The following CPSF7 variants were observed in gnomAD, a reference collection of about 807,000 sequenced individuals.
CPSF7 encodes cleavage and polyadenylation specificity factor subunit 7.
Under a neutral mutation model 44.3 loss-of-function variants are expected in CPSF7, and 1 was observed. The observed-to-expected ratio is 0.02, with a 90% CI of 0.01 to 0.11. CPSF7 has a LOEUF of 0.11. Among genes scored for constraint, CPSF7 ranks in the 10% least tolerant of loss-of-function variants. The probability of loss-of-function intolerance (pLI) is 1.00; values close to 1 mark genes in which losing one functional copy is unlikely to be tolerated. For missense variants in CPSF7, 443 were observed against 607.2 expected (o/e 0.73, Z 2.84); for synonymous variants, 202 against 222.0 (o/e 0.91, Z 0.80).
intron 5 of CPSF7, among the ~76,000 whole-genome samples, chr11:61,419,185 G>A (rs184166738): frequency 6.6e-6 from 1 of 152,052 alleles, no homozygotes; most frequent in East Asian, 1.9e-4. Flanking sequence ...ACCCACACCC[G>A]GCTAATTTTT....
chr11:61,420,423 T>A (rs747506149), intron 4 of CPSF7, 47 bp downstream of exon 4: 13 of 1,486,650 alleles, frequency 8.7e-6, no homozygotes, highest in Middle Eastern at 1.7e-4. Flanking sequence ...AGATCTTTTA[T>A]CCCAATGGTT....
chr11:61,414,148 ATTT>A (rs11420964), intron 7 of CPSF7, among the ~76,000 whole-genome samples: 1 of 132,634 alleles, frequency 7.5e-6, no homozygotes, highest in Non-Finnish European at 1.6e-5. Flanking sequence ...AAAAAGACTA[ATTT>A]TTTTTTTTTT....
intron 6 of CPSF7, 159 bp from the exon 7 acceptor site, chr11:61,415,943 G>T (rs1860290297): frequency 4.9e-6 from 4 of 824,400 alleles, no homozygotes; most frequent in East Asian, 5.0e-5. Flanking sequence ...CTTAAAAAGG[G>T]GTATAAAGGA....
chr11:61,410,975 G>A lies in CPSF7; in HGVS notation c.1357C>T (p.His453Tyr), dbSNP rs776497766. ...FQERNREHER[H>Y]RDRERDRHH ...TGCCGGTCCCGTTCTCTATCCCGGTGTCTCTCATGCTCCCGGTTCCTTTCT... is the reference window on the plus strand; with the variant it reads ...TGCCGGTCCCGTTCTCTATCCCGGTATCTCTCATGCTCCCGGTTCCTTTCT... Residue 453 changes from histidine to tyrosine, a missense_variant, in exon 9 of 10, where the codon CAC (histidine) becomes TAC (tyrosine). Transcript: ENST00000439958. The A allele has an allele frequency of 1.9e-6, 3 of 1,613,216 alleles. No individual in the cohort carries two copies. Among genetic ancestry groups the A allele is most frequent in the Middle Eastern group, 1.6e-4 (1 of 6,062 alleles).
intron 2 of CPSF7, among the ~76,000 whole-genome samples, chr11:61,423,927 A>G (rs1438669594): frequency 6.6e-6 from 1 of 152,248 alleles, no homozygotes. Flanking sequence ...CTGATAGAGA[A>G]GGGGGAAGGA....
At chr11:61,420,373 G>A (rs1457268284) in intron 4 of CPSF7, 97 bp downstream of exon 4, 4 of 1,104,010 alleles carry the variant, frequency 3.6e-6, no homozygotes, top group Non-Finnish European at 1.3e-6. Context: ...AGCTGGGCCA[G>A]GGGTGGGAGT....
chr11:61,410,405 T>C (rs1265838721), intron 9 of CPSF7, among the ~76,000 whole-genome samples: 1 of 152,276 alleles, frequency 6.6e-6, no homozygotes, highest in Non-Finnish European at 1.5e-5. Context: ...ATCATTAATG[T>C]TGCAGCTTGA....
chr11:61,429,509 C>G (rs998295955), intron 1 of CPSF7: 1 of 540,438 alleles, frequency 1.9e-6, no homozygotes, highest in South Asian at 2.7e-5. Flanking sequence ...CCGGGTAGCG[C>G]CGCGTCTGCG....
intron 2 of CPSF7, chr11:61,426,683 C>G (rs760944756): frequency 2.6e-5 from 4 of 152,158 alleles, no homozygotes; most frequent in Non-Finnish European, 5.9e-5. Flanking sequence ...AAATGAATGG[C>G]ACTATTATCA....
rs760384211 is a variant in CPSF7 at position 61,416,507 on chromosome 11, C to T, written c.536G>A (p.Arg179Gln). 1.1e-5 allele frequency: 18 copies of T among 1,613,854 alleles called. No individual in the cohort carries two copies. In the Admixed American group the frequency reaches 2.0e-4, roughly 18 times the overall value. Reference sequence around the variant, plus strand: ...ATCACTAGAATCTCGGGAATGGGCCCGTGGAGGTATTCCTATGAAGCAAAA... The same window carrying T: ...ATCACTAGAATCTCGGGAATGGGCCTGTGGAGGTATTCCTATGAAGCAAAA... ...EAQARKRIPP[R>Q]AHSRDSSDSA... Residue 179 changes from arginine (R) to glutamine (Q), a missense_variant, in exon 6 of 10, where the codon CGG becomes CAG. Physicochemically the swap from Arg to Gln is conservative, Grantham distance 43. Coordinates refer to ENST00000439958, the MANE Select transcript of CPSF7 (RefSeq NM_001142565.3).
At position 61,421,438 on chromosome 11, in the gene CPSF7, A is replaced by G. The variant is rs779335011; in HGVS notation, c.225T>C (p.Ser75=). 1.9e-6 allele frequency: 3 copies of G among 1,613,996 alleles called. No homozygotes were observed. The highest frequency in any genetic ancestry group is 2.5e-6 in the Non-Finnish European group (3 of 1,180,018). Reference sequence around the variant, plus strand: ...CGGCAGCTCGTCTATTACGCAGGCCACTGTAGGTATACAGAATTGCAGGGG... The same window carrying G: ...CGGCAGCTCGTCTATTACGCAGGCCGCTGTAGGTATACAGAATTGCAGGGG... ...NKTPAILYTY[S]GLRNRRAAVY... The change falls in exon 3 of 10, where the codon AGT becomes AGC. Residue 75 remains serine, a synonymous_variant. Transcript: ENST00000439958.
chr11:61,418,386 C>A (rs898242932), intron 5 of CPSF7, among the ~76,000 whole-genome samples: 12 of 152,160 alleles, frequency 7.9e-5, no homozygotes, highest in African/African-American at 2.4e-4. Context: ...CAGGAAAATC[C>A]AAGGTCTAGT....
chr11:61,421,995 T>C (rs1233255487), intron 2 of CPSF7, among the ~76,000 whole-genome samples: 1 of 152,248 alleles, frequency 6.6e-6, no homozygotes, highest in Non-Finnish European at 1.5e-5. Flanking sequence ...CAGTATCTTA[T>C]GCTATTTCCA....
Position 61,415,748 on chromosome 11 carries a change from T to C in CPSF7, c.975A>G (p.Glu325=), listed in dbSNP as rs559063740. The C allele has an allele frequency of 7.4e-6, 12 of 1,614,162 alleles. No individual in the cohort carries two copies. The African/African-American group carries it at 1.2e-4, about 16-fold the overall frequency. The change falls in exon 7 of 10, where the codon GAA becomes GAG. Residue 325 remains glutamate, a synonymous_variant. Transcript: ENST00000439958. ...GCTTCATGATATCTTCAAATTCGGC[T>C]TCACTCACTGTAGAGGGTGGAGGGC... ...DSGPPPSTVS[E]AEFEDIMKRN...
chr11:61,406,986 C>G (rs1282986651), intron 9 of CPSF7, among the ~76,000 whole-genome samples: 1 of 152,190 alleles, frequency 6.6e-6, no homozygotes, highest in Non-Finnish European at 1.5e-5. Flanking sequence ...CCATGTTCCT[C>G]AGGCTGGTCC....
At chr11:61,423,688 AAC>A (rs1861106165) in intron 2 of CPSF7, among the ~76,000 whole-genome samples, 1 of 151,994 alleles carries the variant, frequency 6.6e-6, no homozygotes, top group African/African-American at 2.4e-5. Context: ...ACCCTGAAGA[AAC>A]AGTTTCTCCA....
rs762201636 is a variant in CPSF7 at position 61,411,784 on chromosome 11, C to T, written c.1211G>A (p.Ser404Asn). 1 of 1,612,252 alleles carries T rather than the reference C, an allele frequency of 6.2e-7. No homozygotes were observed. Among genetic ancestry groups the T allele is most frequent in the Non-Finnish European group, 8.5e-7 (1 of 1,179,188 alleles). The change falls in exon 8 of 10, where the codon AGT (serine) becomes AAT (asparagine). Residue 404 changes from serine (S) to asparagine (N), a missense_variant. Coordinates refer to ENST00000439958, the MANE Select transcript of CPSF7 (RefSeq NM_001142565.3). ...ACCAACTCACCTGGAAGAGCTCCCACTGGCACCCACACTGTAGGACTTGGC... is the reference window on the plus strand; with the variant it reads ...ACCAACTCACCTGGAAGAGCTCCCATTGGCACCCACACTGTAGGACTTGGC... ...IEAKSYSVGA[S>N]GSSSRKRHRS...
At position 61,429,304 on chromosome 11, in the gene CPSF7, A is replaced by T; in HGVS notation, c.-55-14T>A. On this transcript the variant is annotated splice_polypyrimidine_tract_variant and intron_variant, in intron 1 of 9. Transcript: ENST00000439958. Reference sequence around the variant, plus strand: ...AGGAAGATGCCACTGCGGGATTCGGAAAAATGCAAGAATTAGAAGGCACGA... The same window carrying T: ...AGGAAGATGCCACTGCGGGATTCGGTAAAATGCAAGAATTAGAAGGCACGA... 6.5e-7 allele frequency: 1 copy of T among 1,529,016 alleles called. No individual in the cohort carries two copies. Among genetic ancestry groups the T allele is most frequent in the Non-Finnish European group, 9.1e-7 (1 of 1,102,818 alleles). 94.7% of individuals were successfully genotyped at this position (1,529,016 alleles called of 1,614,324 possible). A position where few individuals can be genotyped will look rare whatever the true frequency, so the allele number is the denominator to read the frequency against.
intron 5 of CPSF7, among the ~76,000 whole-genome samples, chr11:61,418,874 A>G (rs1053277590): frequency 4.0e-5 from 6 of 151,814 alleles, no homozygotes; most frequent in East Asian, 1.9e-4. Context: ...ATGTGCCACC[A>G]TAACTGGTTA....
Sources: allele counts gnomAD v4.1 joint callset (sites outside exome capture counted in the v4.1 genomes callset), GRCh38; gene constraint gnomAD v4.1.1; transcripts MANE v1.5; gene names NCBI Gene and HGNC (gene_info 2026-07-23, HGNC 2026-07-21).